The following CTDSPL2 variants were observed in gnomAD, a reference collection of about 807,000 sequenced individuals.
CTDSPL2 encodes the protein CTD small phosphatase like 2.
CTDSPL2 carries 5 observed loss-of-function variants against 60.0 expected under a neutral mutation model. That is an observed-to-expected ratio of 0.08 (90% CI 0.04 to 0.18). The LOEUF is 0.18. Ranked by LOEUF, CTDSPL2 falls within the 10% of genes least tolerant of loss-of-function variation. The probability of loss-of-function intolerance (pLI) is 1.00; values close to 1 mark genes in which losing one functional copy is unlikely to be tolerated. For synonymous variants in CTDSPL2, 186 were observed against 189.3 expected, an observed-to-expected ratio of 0.98 and a Z score of 0.14; for missense variants, 370 against 548.8, an observed-to-expected ratio of 0.67 and a Z score of 3.26.
chr15:44,448,336 T>C lies in CTDSPL2; in HGVS notation c.-24-10655T>C, dbSNP rs1369313417. 3.8e-5 allele frequency: 10 copies of C among 263,268 alleles called. No homozygotes were observed. The Admixed American group carries it at 4.3e-4, about 11-fold the overall frequency. 16.3% of individuals were successfully genotyped at this position (263,268 alleles called of 1,614,324 possible). On this transcript the variant is annotated intron_variant, in intron 1 of 12. Transcript: ENST00000260327. ...CATGCGCTCCCTGTGGGAGCCTTTG[T>C]GCTCCACAAAGCCCATGCGGTCCAT...
intron 1 of CTDSPL2, among the ~76,000 whole-genome samples, chr15:44,433,876 C>G (rs2141257660): frequency 6.6e-6 from 1 of 150,388 alleles, no homozygotes; most frequent in South Asian, 2.1e-4. Flanking sequence ...TCGCTTGAAC[C>G]CAGGAGATGG....
At chr15:44,486,727 T>C (rs2081125202) in intron 4 of CTDSPL2, 27 bp downstream of exon 4, 1 of 1,454,470 alleles carries the variant, frequency 6.9e-7, no homozygotes, top group East Asian at 2.5e-5. Context: ...AACTGTGATT[T>C]GGATTTTTTT....
chr15:44,444,836 GTT>G (rs35160726), intron 1 of CTDSPL2, among the ~76,000 whole-genome samples: 3 of 69,614 alleles, frequency 4.3e-5, no homozygotes, highest in African/African-American at 1.2e-4. Flanking sequence ...ATGGAATGTA[GTT>G]TTTTTTTTTT....
Position 44,524,258 on chromosome 15 carries a change from A to T in CTDSPL2, c.*84A>T. Reference sequence around the variant, plus strand: ...GACAAAAACATTGCCATTACTGTTGAAATTTTGCATTTTTGTACCCCGTCT... The same window carrying T: ...GACAAAAACATTGCCATTACTGTTGTAATTTTGCATTTTTGTACCCCGTCT... On this transcript the variant is annotated 3_prime_UTR_variant, in exon 13 of 13. Transcript: ENST00000260327. The T allele has an allele frequency of 8.4e-7, 1 of 1,197,208 alleles. No homozygotes were observed. The highest frequency in any genetic ancestry group is 1.2e-6 in the Non-Finnish European group (1 of 813,470). 74.2% of individuals were successfully genotyped at this position (1,197,208 alleles called of 1,614,324 possible).
intron 1 of CTDSPL2, among the ~76,000 whole-genome samples, chr15:44,437,858 G>C (rs895233073): frequency 6.6e-6 from 1 of 152,144 alleles, no homozygotes; most frequent in African/African-American, 2.4e-5. Context: ...ATGATACTTG[G>C]GCTGAGTTTT....
chr15:44,441,445 G>A (rs2141280053), intron 1 of CTDSPL2, among the ~76,000 whole-genome samples: 1 of 152,334 alleles, frequency 6.6e-6, no homozygotes, highest in Admixed American at 6.5e-5. Context: ...TTTGGTGGAG[G>A]TCTGTGGAAG....
intron 2 of CTDSPL2, among the ~76,000 whole-genome samples, chr15:44,477,727 A>G (rs2080947553): frequency 6.6e-6 from 1 of 151,902 alleles, no homozygotes; most frequent in Admixed American, 6.6e-5. Context: ...AATCCCAGCT[A>G]CTTGGGAGGC....
Position 44,524,202 on chromosome 15 carries a change from G to C in CTDSPL2, c.*28G>C, listed in dbSNP as rs1032219420. On this transcript the variant is annotated 3_prime_UTR_variant, in exon 13 of 13. Transcript: ENST00000260327. ...ACAAAGACTTGTCAAATCACTGAAG[G>C]GGGAGAGAATGCAGGACCCTTTTGG... 2 of 1,587,344 alleles carry C rather than the reference G, an allele frequency of 1.3e-6. No individual in the cohort carries two copies. Among genetic ancestry groups the C allele is most frequent in the African/African-American group, 1.3e-5 (1 of 74,520 alleles).
At chr15:44,458,517 A>G (rs1225702024) in intron 1 of CTDSPL2, among the ~76,000 whole-genome samples, 1 of 152,246 alleles carries the variant, frequency 6.6e-6, no homozygotes, top group Non-Finnish European at 1.5e-5. Context: ...GAATTCATTC[A>G]TTCATTGGCT....
At position 44,459,013 on chromosome 15, in the gene CTDSPL2, A is replaced by C. The variant is rs747234816; in HGVS notation, c.-2A>C. 4 of 1,542,802 alleles carry C rather than the reference A, an allele frequency of 2.6e-6. No individual in the cohort carries two copies. The South Asian group carries it at 5.1e-5, about 20-fold the overall frequency. ...TAGTTTTACATGTGGCACCCATAAA[A>C]GATGAGGCTGAGAACACGGAAAGCT... On this transcript the variant is annotated 5_prime_UTR_variant, in exon 2 of 13. Coordinates refer to ENST00000260327, the MANE Select transcript of CTDSPL2 (RefSeq NM_016396.3).
chr15:44,451,276 T>C (rs2080330088), intron 1 of CTDSPL2, among the ~76,000 whole-genome samples: 1 of 152,026 alleles, frequency 6.6e-6, no homozygotes. Flanking sequence ...AATTTTTTTG[T>C]TTTTATTTTT....
At chr15:44,456,631 C>G (rs1018607308) in intron 1 of CTDSPL2, among the ~76,000 whole-genome samples, 2 of 152,052 alleles carry the variant, frequency 1.3e-5, no homozygotes, top group Non-Finnish European at 2.9e-5. Context: ...TGATTCTTCT[C>G]TCTTTTCTTA....
At chr15:44,462,981 A>C (rs1400650465) in intron 2 of CTDSPL2, among the ~76,000 whole-genome samples, 1 of 151,972 alleles carries the variant, frequency 6.6e-6, no homozygotes, top group East Asian at 1.9e-4. Flanking sequence ...TTGGGATTAC[A>C]GGCGTGAGCC....
chr15:44,435,518 G>A (rs914406275), intron 1 of CTDSPL2, among the ~76,000 whole-genome samples: 2 of 151,230 alleles, frequency 1.3e-5, no homozygotes, highest in African/African-American at 4.8e-5. Context: ...GCAGTGAGCT[G>A]AGATCGCGCC....
chr15:44,432,486 A>AT (rs2079880076), intron 1 of CTDSPL2, among the ~76,000 whole-genome samples: 1 of 151,620 alleles, frequency 6.6e-6, no homozygotes, highest in African/African-American at 2.4e-5. Flanking sequence ...TGCTCGGCTA[A>AT]TTTTTGTATT....
chr15:44,458,973 A>T lies in CTDSPL2; in HGVS notation c.-24-18A>T. On this transcript the variant is annotated intron_variant, in intron 1 of 12. Coordinates refer to ENST00000260327, the MANE Select transcript of CTDSPL2 (RefSeq NM_016396.3). ...TAACTTTTAATTTTTTATTACATTT[A>T]TTATTTTTCTCTTTTAGTTTTACAT... 7.1e-7 allele frequency: 1 copy of T among 1,409,384 alleles called. No homozygotes were observed. Among genetic ancestry groups the T allele is most frequent in the Non-Finnish European group, 9.5e-7 (1 of 1,057,568 alleles). 87.3% of individuals were successfully genotyped at this position (1,409,384 alleles called of 1,614,324 possible).
At chr15:44,489,860 T>C (rs2081186902) in intron 4 of CTDSPL2, among the ~76,000 whole-genome samples, 1 of 152,170 alleles carries the variant, frequency 6.6e-6, no homozygotes, top group South Asian at 2.1e-4. Flanking sequence ...AAGAGCAGAC[T>C]TTTTTTGCAC....
chr15:44,474,214 C>T (rs2080866755), intron 2 of CTDSPL2, among the ~76,000 whole-genome samples: 1 of 152,144 alleles, frequency 6.6e-6, no homozygotes, highest in South Asian at 2.1e-4. Flanking sequence ...GTAGCTCACG[C>T]CTGTAACGCC....
At chr15:44,504,291 A>C (rs563583777) in intron 8 of CTDSPL2, among the ~76,000 whole-genome samples, 1 of 152,154 alleles carries the variant, frequency 6.6e-6, no homozygotes, top group Non-Finnish European at 1.5e-5. Context: ...CGGAGGTTGC[A>C]GTGAGCCAAG....
Sources: gnomAD v4.1 joint callset for allele counts (sites outside exome capture counted in the v4.1 genomes callset) on GRCh38, gnomAD v4.1.1 for gene constraint, MANE v1.5 for transcripts, NCBI Gene and HGNC (gene_info 2026-07-23, HGNC 2026-07-21) for gene names.